Variants in EXOC3 observed in about 807,000 individuals in gnomAD.
EXOC3 encodes the protein SEC6-like 1.
Under a neutral mutation model 73.7 loss-of-function variants are expected in EXOC3, and 21 were observed. That is an observed-to-expected ratio of 0.29 (90% CI 0.20 to 0.41). The LOEUF (loss-of-function observed/expected upper bound fraction) is 0.41, where lower values mean the gene tolerates loss of function less well. EXOC3 is among the 10% of genes least tolerant of loss of function. EXOC3 has a pLI of 1.00. For synonymous variants in EXOC3, 410 were observed against 389.1 expected (o/e 1.05, Z -0.63); for missense variants, 842 against 985.1 (o/e 0.85, Z 1.95).
chr5:462,606 A>G (rs1738023189), intron 9 of EXOC3: 2 of 380,904 alleles, frequency 5.3e-6, no homozygotes, highest in Admixed American at 4.1e-5. Flanking sequence ...CAAAAAGTCA[A>G]ATTGAGAGTG....
Position 466,710 on chromosome 5 carries a change from C to T in EXOC3, c.2067-17C>T. The T allele has an allele frequency of 6.2e-7, 1 of 1,605,358 alleles. No homozygotes were observed. The highest frequency in any genetic ancestry group is 1.1e-5 in the South Asian group (1 of 90,332). ...GGGCTGCTAAGTGGGCATGGGCTGACATCTCCCCATCCCCAGGGATGACCA... is the reference window on the plus strand; with the variant it reads ...GGGCTGCTAAGTGGGCATGGGCTGATATCTCCCCATCCCCAGGGATGACCA... On this transcript the variant is annotated splice_polypyrimidine_tract_variant and intron_variant, in intron 12 of 12. Transcript: ENST00000512944.
chr5:454,855 T>C (rs983885566), intron 4 of EXOC3, among the ~76,000 whole-genome samples: 1 of 148,850 alleles, frequency 6.7e-6, no homozygotes, highest in African/African-American at 2.5e-5. Context: ...AGTGGAGAAA[T>C]TGAATAAACC....
At position 446,615 on chromosome 5, in the gene EXOC3, G is replaced by A. The variant is rs10060385; in HGVS notation, c.144+266G>A. 7.9e-5 allele frequency among the ~76,000 whole-genome samples: 12 copies of A among 152,252 alleles called. No individual in the cohort carries two copies. In the East Asian group the frequency reaches 1.5e-3, roughly 20 times the overall value. ...CTCATGCCTGTAATCCCAGCACCTC[G>A]GGGAGGCCGAGGCAGGCGGATCACC... On this transcript the variant is annotated intron_variant, in intron 2 of 12. Transcript: ENST00000512944.
rs139943110 is a variant in EXOC3 at position 450,200 on chromosome 5, C to T, written c.364+2448C>T. Among the ~76,000 whole-genome samples, 263 of 152,278 alleles carry T rather than the reference C, an allele frequency of 1.7e-3. 2 individuals are homozygous for T. Among genetic ancestry groups the T allele is most frequent in the African/African-American group, 6.0e-3 (251 of 41,548 alleles). On this transcript the variant is annotated intron_variant, in intron 3 of 12. Transcript: ENST00000512944. ...GGCAGAGGTCACAGTGAGCCGAGAT[C>T]GCACCACTGCACTCCAGCCAGGGGG...
chr5:457,330 T>TG, intron 5 of EXOC3: 1 of 324,514 alleles, frequency 3.1e-6, no homozygotes, highest in Non-Finnish European at 5.4e-6. Context: ...AGTCCCATGG[T>TG]TGGGGGGGTC....
chr5:459,480 G>A (rs1399858791), intron 7 of EXOC3, 21 bp downstream of exon 7: 2 of 1,278,036 alleles, frequency 1.6e-6, no homozygotes, highest in South Asian at 1.4e-5. Flanking sequence ...CTGCCAGTGT[G>A]CTAATGTACA....
rs1488898245 is a variant in EXOC3 at position 465,840 on chromosome 5, C to T, written c.2061C>T (p.Asp687=). The change falls in exon 12 of 13, where the codon GAC becomes GAT. Residue 687 remains aspartate, a synonymous_variant. Coordinates refer to ENST00000512944, the MANE Select transcript of EXOC3 (RefSeq NM_007277.5). ...EVSTLVSKYP[D]IRDDHIGALL... Reference sequence around the variant, plus strand: ...CCACTCTGGTCAGCAAGTATCCAGACATCAGGTAAGGGATGCACGTCTTAG... The same window carrying T: ...CCACTCTGGTCAGCAAGTATCCAGATATCAGGTAAGGGATGCACGTCTTAG... 1.9e-6 allele frequency: 3 copies of T among 1,610,016 alleles called. No individual in the cohort carries two copies. The highest frequency in any genetic ancestry group is 1.7e-5 in the Admixed American group (1 of 59,502).
At chr5:457,361 G>A (rs1173763226) in intron 5 of EXOC3, 2 of 297,604 alleles carry the variant, frequency 6.7e-6, no homozygotes, top group East Asian at 1.6e-4. Flanking sequence ...CAAAGGGCGA[G>A]TCCATTTGCA....
At chr5:450,625 A>C (rs148429322) in intron 3 of EXOC3, among the ~76,000 whole-genome samples, 1 of 152,270 alleles carries the variant, frequency 6.6e-6, no homozygotes, top group Non-Finnish European at 1.5e-5. Context: ...TGAGAGAGAG[A>C]TATTGAAGCC....
intron 3 of EXOC3, among the ~76,000 whole-genome samples, chr5:449,301 T>C (rs1372682144): frequency 6.6e-6 from 1 of 152,258 alleles, no homozygotes; most frequent in African/African-American, 2.4e-5. Context: ...CTAAAATGCA[T>C]ATGTACAGTT....
chr5:444,735 G>A (rs561698561), intron 1 of EXOC3, among the ~76,000 whole-genome samples: 1 of 152,240 alleles, frequency 6.6e-6, no homozygotes, highest in South Asian at 2.1e-4. Context: ...GGGATTTAAG[G>A]GGAGTTGCCC....
At chr5:457,145 G>C in intron 5 of EXOC3, 139 bp downstream of exon 5, 1 of 651,956 alleles carries the variant, frequency 1.5e-6, no homozygotes, top group Admixed American at 2.2e-5. Flanking sequence ...CCCGGGCTCT[G>C]CTTCCAGGCC....
chr5:449,280 T>G (rs572050453), intron 3 of EXOC3, among the ~76,000 whole-genome samples: 1 of 152,320 alleles, frequency 6.6e-6, no homozygotes, highest in Admixed American at 6.5e-5. Flanking sequence ...CCTCCCCCAT[T>G]TTTTCTTCTT....
rs1195906555 is a variant in EXOC3, at chr5:446,300, A to G, written c.95A>G (p.Tyr32Cys). 1.2e-6 allele frequency: 2 copies of G among 1,613,878 alleles called. No individual in the cohort carries two copies. Among genetic ancestry groups the G allele is most frequent in the Admixed American group, 3.3e-5 (2 of 60,010 alleles). ...RPDQLDKVEQ[Y>C]RRREARKKAS... Reference sequence around the variant, plus strand: ...GACCAGCTGGACAAGGTGGAGCAGTATCGCAGGAGAGAAGCGCGGAAGAAG... The same window carrying G: ...GACCAGCTGGACAAGGTGGAGCAGTGTCGCAGGAGAGAAGCGCGGAAGAAG... Residue 32 changes from tyrosine (Y) to cysteine (C), a missense_variant, in exon 2 of 13, where the codon TAT (tyrosine) becomes TGT (cysteine). Transcript: ENST00000512944.
chr5:462,739 G>T (rs1009564155), intron 9 of EXOC3, among the ~76,000 whole-genome samples: 5 of 152,232 alleles, frequency 3.3e-5, no homozygotes, highest in Admixed American at 6.5e-5. Flanking sequence ...AAATGTAGGG[G>T]TTATTTCAGA....
intron 9 of EXOC3, among the ~76,000 whole-genome samples, chr5:463,190 G>T (rs747730540): frequency 2.6e-5 from 4 of 152,188 alleles, no homozygotes; most frequent in Non-Finnish European, 5.9e-5. Flanking sequence ...GGGTGGGATT[G>T]GTTGCTGATT....
chr5:462,378 A>G (rs2126586256), intron 9 of EXOC3, 71 bp downstream of exon 9: 1 of 1,549,210 alleles, frequency 6.5e-7, no homozygotes, highest in African/African-American at 1.4e-5. Context: ...CCTCTGGGAC[A>G]CAGGCTGTGA....
At chr5:448,851 T>G (rs1269492607) in intron 3 of EXOC3, among the ~76,000 whole-genome samples, 1 of 152,262 alleles carries the variant, frequency 6.6e-6, no homozygotes, top group African/African-American at 2.4e-5. Flanking sequence ...GGGTCACATG[T>G]GTGGCTGCAG....
Position 456,946 on chromosome 5 carries a change from G to A in EXOC3, c.1104G>A (p.Glu368=). The A allele has an allele frequency of 6.2e-7, 1 of 1,614,058 alleles. No individual in the cohort carries two copies. Among genetic ancestry groups the A allele is most frequent in the Non-Finnish European group, 8.5e-7 (1 of 1,179,890 alleles). The change falls in exon 5 of 13, where the codon GAG becomes GAA. Residue 368 remains glutamate (E), a synonymous_variant. Coordinates refer to ENST00000512944, the MANE Select transcript of EXOC3 (RefSeq NM_007277.5). ...LAPEVDVGTL[E]PLLSPHVVSE... The stretch of plus-strand genomic sequence containing the variant: ...CGGAAGTGGATGTCGGCACCCTGGA[G>A]CCATTGCTTTCTCCACACGTGGTCT...
Sources: gnomAD v4.1 joint callset for allele counts (sites outside exome capture counted in the v4.1 genomes callset) on GRCh38, gnomAD v4.1.1 for gene constraint, MANE v1.5 for transcripts, NCBI Gene and HGNC (gene_info 2026-07-23, HGNC 2026-07-21) for gene names.